Variants in DYM observed in about 807,000 individuals in gnomAD.
The protein encoded by DYM is dymeclin.
DYM carries 78 observed loss-of-function variants against 93.1 expected under a neutral mutation model. That is an observed-to-expected ratio of 0.84 (90% confidence interval 0.70 to 1.01). DYM has a LOEUF of 1.01. DYM is among the 50% of genes least tolerant of loss of function. The probability of loss-of-function intolerance (pLI) is 0.00; values close to 1 mark genes in which losing one functional copy is unlikely to be tolerated. For missense variants in DYM, 789 were observed against 845.0 expected, an observed-to-expected ratio of 0.93 and a Z score of 0.82; for synonymous variants, 321 against 319.7, an observed-to-expected ratio of 1.00 and a Z score of -0.04.
rs2070807754 is a variant in DYM, at chr18:49,039,047, G to T, written c.*5008C>A. On this transcript the variant is annotated 3_prime_UTR_variant, in exon 18 of 18. Transcript: ENST00000675505. ...CCTAGGGCTCTGTCCTTACGTTTGG[G>T]ATTATTTTCCTTCTGCCTGTAAAAC... Among the ~76,000 whole-genome samples the T allele has an allele frequency of 6.6e-6, 1 of 152,100 alleles. No individual in the cohort carries two copies. The highest frequency in any genetic ancestry group is 1.5e-5 in the Non-Finnish European group (1 of 68,014).
In DYM at chr18:49,080,543, C is replaced by G. The variant is rs1444685053; in HGVS notation, c.2025+16859G>C. Reference sequence around the variant, plus strand: ...TCACTTCCCAGTAGGGGCGGCCGGGCAGAGGCGCCCCTCACCTCCCGGACG... The same window carrying G: ...TCACTTCCCAGTAGGGGCGGCCGGGGAGAGGCGCCCCTCACCTCCCGGACG... On this transcript the variant is annotated intron_variant, in intron 17 of 17. Coordinates refer to ENST00000675505, the MANE Select transcript of DYM (RefSeq NM_001353214.3). Among the ~76,000 whole-genome samples, 3 of 132,700 alleles carry G rather than the reference C, an allele frequency of 2.3e-5. No homozygotes were observed. The East Asian group carries it at 7.2e-4, about 32-fold the overall frequency. 87.1% of individuals were successfully genotyped at this position (132,700 alleles called of 152,430 possible). A position where few individuals can be genotyped will look rare whatever the true frequency, so the allele number is the denominator to read the frequency against.
intron 13 of DYM, among the ~76,000 whole-genome samples, chr18:49,224,220 G>A (rs1056805654): frequency 2.0e-5 from 3 of 152,088 alleles, no homozygotes; most frequent in African/African-American, 7.2e-5. Flanking sequence ...GGCGGCAACA[G>A]AGGAAGAGGA....
chr18:49,223,353 G>A (rs994221803), intron 13 of DYM, among the ~76,000 whole-genome samples: 5 of 152,054 alleles, frequency 3.3e-5, no homozygotes, highest in African/African-American at 1.2e-4. Flanking sequence ...TGCAACTGAT[G>A]TGAGAAAGCA....
chr18:49,086,295 C>A (rs1438981573), intron 17 of DYM, among the ~76,000 whole-genome samples: 1 of 152,204 alleles, frequency 6.6e-6, no homozygotes, highest in Non-Finnish European at 1.5e-5. Flanking sequence ...CAGTGCAGGG[C>A]ATCACATGGG....
At chr18:49,127,662 C>T (rs931582932) in intron 15 of DYM, among the ~76,000 whole-genome samples, 2 of 152,164 alleles carry the variant, frequency 1.3e-5, no homozygotes, top group African/African-American at 4.8e-5. Flanking sequence ...CAATGGCCTT[C>T]AAAGGCAATC....
chr18:49,367,595 T>G (rs1207822481), intron 5 of DYM, among the ~76,000 whole-genome samples: 1 of 152,152 alleles, frequency 6.6e-6, no homozygotes, highest in Non-Finnish European at 1.5e-5. Context: ...TAAAAAGCAC[T>G]CACTGATCAT....
In DYM at chr18:49,370,233, G is replaced by A. The variant is rs553533088; in HGVS notation, c.422-7000C>T. Among the ~76,000 whole-genome samples the A allele has an allele frequency of 2.9e-3, 434 of 147,696 alleles. 4 individuals are homozygous for A. Among genetic ancestry groups the A allele is most frequent in the African/African-American group, 0.01 (413 of 39,500 alleles). On this transcript the variant is annotated intron_variant, in intron 5 of 17. Coordinates refer to ENST00000675505, the MANE Select transcript of DYM (RefSeq NM_001353214.3). ...GCGGAGGTTGCAGTGAGCCAAGGTCGCACCACTGCACTTCAGCCTCGGAAA... is the reference window on the plus strand; with the variant it reads ...GCGGAGGTTGCAGTGAGCCAAGGTCACACCACTGCACTTCAGCCTCGGAAA...
At chr18:49,239,458 T>G (rs1048001693) in intron 13 of DYM, among the ~76,000 whole-genome samples, 9 of 152,218 alleles carry the variant, frequency 5.9e-5, no homozygotes, top group Non-Finnish European at 1.3e-4. Flanking sequence ...ACTTATGCCC[T>G]TCTGTGGTTC....
At chr18:49,307,032 G>A (rs2061316648) in intron 8 of DYM, among the ~76,000 whole-genome samples, 2 of 151,888 alleles carry the variant, frequency 1.3e-5, no homozygotes, top group Admixed American at 6.6e-5. Context: ...CAGAAAGGGA[G>A]AAGTATAATA....
chr18:49,341,769 C>A (rs1027771592), intron 6 of DYM, among the ~76,000 whole-genome samples: 3 of 152,034 alleles, frequency 2.0e-5, no homozygotes, highest in Non-Finnish European at 4.4e-5. Flanking sequence ...AAGTCAGGAG[C>A]CTTTCTTATT....
chr18:49,263,037 G>C (rs2094513844), intron 11 of DYM, among the ~76,000 whole-genome samples: 1 of 151,928 alleles, frequency 6.6e-6, no homozygotes, highest in East Asian at 1.9e-4. Flanking sequence ...CACAGATTTT[G>C]AAAACAAAAA....
At position 49,361,205 on chromosome 18, in the gene DYM, C is replaced by T. The variant is rs546285914; in HGVS notation, c.494+1956G>A. Among the ~76,000 whole-genome samples the T allele has an allele frequency of 9.8e-5, 15 of 152,304 alleles. No individual in the cohort carries two copies. In the South Asian group the frequency reaches 2.9e-3, roughly 30 times the overall value. On this transcript the variant is annotated intron_variant, in intron 6 of 17. Coordinates refer to ENST00000675505, the MANE Select transcript of DYM (RefSeq NM_001353214.3). ...GCTCCGGTTGAATGGGAAATTGTCC[C>T]ATTTCCTTCCCTAGGCAATGACTCT...
intron 17 of DYM, among the ~76,000 whole-genome samples, chr18:49,054,481 G>A (rs2075301507): frequency 6.6e-6 from 1 of 152,194 alleles, no homozygotes; most frequent in African/African-American, 2.4e-5. Context: ...GACCTCAGGT[G>A]ATCTGCCCGC....
intron 13 of DYM, among the ~76,000 whole-genome samples, chr18:49,227,871 A>G (rs962694540): frequency 6.6e-6 from 1 of 151,956 alleles, no homozygotes; most frequent in Admixed American, 6.6e-5. Flanking sequence ...GCTGCTGACT[A>G]TCTGGAGATA....
chr18:49,438,573 G>A (rs1321772052), intron 1 of DYM, among the ~76,000 whole-genome samples: 1 of 152,084 alleles, frequency 6.6e-6, no homozygotes, highest in Non-Finnish European at 1.5e-5. Flanking sequence ...AAGCAGAAAG[G>A]CCAGAAAAAG....
intron 15 of DYM, 106 bp downstream of exon 15, chr18:49,163,579 A>T: frequency 2.7e-6 from 2 of 731,068 alleles, no homozygotes; most frequent in Admixed American, 4.1e-5. Context: ...CTCCCGACCA[A>T]GTGATCCATC....
At chr18:49,142,679 AC>A (rs1299091284) in intron 15 of DYM, among the ~76,000 whole-genome samples, 1 of 152,176 alleles carries the variant, frequency 6.6e-6, no homozygotes, top group East Asian at 1.9e-4. Context: ...AAGGCAGAGT[AC>A]TTTGTCTATT....
intron 1 of DYM, among the ~76,000 whole-genome samples, chr18:49,451,400 C>G (rs1167291295): frequency 6.6e-6 from 1 of 152,182 alleles, no homozygotes; most frequent in Non-Finnish European, 1.5e-5. Flanking sequence ...GCTGAAAAAG[C>G]CCCATGGGAA....
chr18:49,453,868 T>C (rs1027471746), intron 1 of DYM, among the ~76,000 whole-genome samples: 22 of 152,278 alleles, frequency 1.4e-4, no homozygotes, highest in Non-Finnish European at 7.4e-5. Context: ...CATGAAGGGA[T>C]TGATAACTGC....
Sources: gnomAD v4.1 joint callset for allele counts (sites outside exome capture counted in the v4.1 genomes callset) on GRCh38, gnomAD v4.1.1 for gene constraint, MANE v1.5 for transcripts, NCBI Gene and HGNC (gene_info 2026-07-23, HGNC 2026-07-21) for gene names.